The following FANCB variants were observed in gnomAD, a reference collection of about 807,000 sequenced individuals.
The protein encoded by FANCB is Fanconi anemia group B protein.
Under a neutral mutation model 38.9 loss-of-function variants are expected in FANCB, and 5 were observed. The observed-to-expected ratio is 0.13, with a 90% CI of 0.07 to 0.27. The LOEUF (loss-of-function observed/expected upper bound fraction) is 0.27. Among genes scored for constraint, FANCB ranks in the 10% least tolerant of loss-of-function variants. The probability of loss-of-function intolerance (pLI) is 1.00; values close to 1 mark genes in which losing one functional copy is unlikely to be tolerated. For synonymous variants in FANCB, 236 were observed against 215.4 expected, an observed-to-expected ratio of 1.10 and a Z score of -0.84; for missense variants, 573 against 602.7, an observed-to-expected ratio of 0.95 and a Z score of 0.52.
At chrX:14,731,006 G>A in the FANCB span, 1 of 110,170 alleles carries the variant, frequency 9.1e-6, no homozygotes, top group African/African-American at 3.4e-5. Context: ...GTGAGTCGAG[G>A]ACCAAACTTT....
intron 2 of FANCB, among the ~76,000 whole-genome samples, chrX:14,867,573 C>A (rs1050597028): frequency 4.5e-5 from 5 of 110,952 alleles, no homozygotes; most frequent in Non-Finnish European, 9.5e-5. Flanking sequence ...TATAAAAAAT[C>A]AACTCAAAAT....
chrX:14,789,432 T>C, the FANCB span, among the ~76,000 whole-genome samples: 5 of 111,492 alleles, frequency 4.5e-5, no homozygotes, highest in Admixed American at 9.6e-5. Context: ...CCTGGCAACA[T>C]AGCAAGACCT....
the FANCB span, among the ~76,000 whole-genome samples, chrX:14,785,254 C>T: frequency 8.1e-5 from 9 of 111,629 alleles, no homozygotes; most frequent in Non-Finnish European, 1.7e-4. Context: ...GATTGTTAAT[C>T]ACGTCTAGAA....
chrX:14,708,137 G>C, the FANCB span, among the ~76,000 whole-genome samples: 1 of 111,452 alleles, frequency 9.0e-6, no homozygotes, highest in Non-Finnish European at 1.9e-5. Flanking sequence ...TCACAGAACT[G>C]AAACTTTGTA....
chrX:14,846,158 A>G (rs2092376157), intron 7 of FANCB, among the ~76,000 whole-genome samples: 2 of 111,598 alleles, frequency 1.8e-5, no homozygotes, highest in African/African-American at 6.5e-5. Context: ...TGGGATTATC[A>G]ATAGCGGAGA....
chrX:14,766,165 T>C, the FANCB span, among the ~76,000 whole-genome samples: 365 of 112,213 alleles, frequency 3.3e-3, 3 homozygotes, highest in African/African-American at 0.011. Flanking sequence ...ATAAACACAC[T>C]ATTTGTTATA....
At chrX:14,815,181 G>A in the FANCB span, among the ~76,000 whole-genome samples, 1 of 110,552 alleles carries the variant, frequency 9.0e-6, no homozygotes, top group Non-Finnish European at 1.9e-5. Flanking sequence ...GGGGTGGGGG[G>A]CAGGGGGAGG....
the FANCB span, among the ~76,000 whole-genome samples, chrX:14,767,176 G>A: frequency 8.9e-6 from 1 of 111,794 alleles, no homozygotes. Context: ...TTATAATACA[G>A]TGATATATAT....
At chrX:14,757,743 A>G in the FANCB span, among the ~76,000 whole-genome samples, 1 of 112,155 alleles carries the variant, frequency 8.9e-6, no homozygotes, top group Non-Finnish European at 1.9e-5. Flanking sequence ...GAGGGATGCC[A>G]GAGGAACTGG....
At chrX:14,834,518 C>G, downstream of FANCB, 12 of 502,532 alleles carry the variant, frequency 2.4e-5, no homozygotes, top group Non-Finnish European at 2.2e-5. Context: ...GCCTCCTGGT[C>G]AGTCACCCAG....
At chrX:14,730,430 T>A in the FANCB span, 2 of 1,206,280 alleles carry the variant, frequency 1.7e-6, no homozygotes, top group Non-Finnish European at 2.2e-6. Flanking sequence ...ATTTTCAACA[T>A]CTTTTACTGG....
chrX:14,768,066 C>A, the FANCB span, among the ~76,000 whole-genome samples: 1 of 111,705 alleles, frequency 9.0e-6, no homozygotes, highest in Non-Finnish European at 1.9e-5. Flanking sequence ...CAGTACCATG[C>A]TGTTTTGGTT....
At chrX:14,815,232 C>T in the FANCB span, among the ~76,000 whole-genome samples, 1 of 110,380 alleles carries the variant, frequency 9.1e-6, no homozygotes, top group African/African-American at 3.3e-5. Context: ...TGACGAGTTA[C>T]TGGGTGCAGC....
the FANCB span, among the ~76,000 whole-genome samples, chrX:14,729,924 G>T: frequency 5.4e-5 from 6 of 111,670 alleles, no homozygotes; most frequent in Non-Finnish European, 1.1e-4. Flanking sequence ...ACTAGATTTT[G>T]GGAAAGTCAG....
chrX:14,778,758 G>A, the FANCB span, among the ~76,000 whole-genome samples: 1 of 112,545 alleles, frequency 8.9e-6, no homozygotes, highest in Non-Finnish European at 1.9e-5. Flanking sequence ...TAGGTAGTGA[G>A]ACAGAGTTCA....
intron 5 of FANCB, among the ~76,000 whole-genome samples, chrX:14,855,458 C>T (rs2092419163): frequency 8.9e-6 from 1 of 111,756 alleles, no homozygotes; most frequent in South Asian, 3.7e-4. Context: ...ACCTCCATTC[C>T]TCCCTTCCTT....
At chrX:14,752,495 CTTGTT>C in the FANCB span, among the ~76,000 whole-genome samples, 2 of 112,380 alleles carry the variant, frequency 1.8e-5, no homozygotes, top group African/African-American at 6.5e-5. Flanking sequence ...ACTTGAATAA[CTTGTT>C]TTAAGACATA....
At chrX:14,864,141 A>C (rs982950296) in intron 3 of FANCB, among the ~76,000 whole-genome samples, 12 of 111,264 alleles carry the variant, frequency 1.1e-4, no homozygotes, top group African/African-American at 3.6e-4. Flanking sequence ...TCTCAAAAAA[A>C]ATATAAAAAA....
chrX:14,707,233 C>T, the FANCB span, among the ~76,000 whole-genome samples: 5 of 111,348 alleles, frequency 4.5e-5, no homozygotes, highest in African/African-American at 1.3e-4. Flanking sequence ...ATGCTTAGGG[C>T]CAGGAGTCCA....
Sources: allele counts gnomAD v4.1 joint callset (sites outside exome capture counted in the v4.1 genomes callset), GRCh38; gene constraint gnomAD v4.1.1; transcripts MANE v1.5; gene names NCBI Gene and HGNC (gene_info 2026-07-23, HGNC 2026-07-21).